PPP1R1C: variants seen among roughly 807,000 people sequenced by gnomAD.
The protein encoded by PPP1R1C is protein phosphatase 1 regulatory subunit 1C.
In PPP1R1C, 15 loss-of-function variants were observed where a neutral mutation model predicts 17.4. The observed-to-expected ratio is 0.86, with a 90% CI of 0.58 to 1.33. The LOEUF is 1.33. Ranked by LOEUF, PPP1R1C falls within the 40% of genes most tolerant of loss-of-function variation. PPP1R1C has a pLI of 0.00. For missense variants in PPP1R1C, 143 were observed against 130.0 expected (o/e 1.10, Z -0.48); for synonymous variants, 35 against 43.1 (o/e 0.81, Z 0.73).
chr2:182,090,132 T>C (rs1338825620), intron 4 of PPP1R1C, among the ~76,000 whole-genome samples: 1 of 152,166 alleles, frequency 6.6e-6, no homozygotes, highest in Non-Finnish European at 1.5e-5. Flanking sequence ...TTCATTCCTA[T>C]CTATGTAGAA....
Position 181,987,885 on chromosome 2 carries a change from A to T in PPP1R1C, c.128A>T (p.Glu43Val), listed in dbSNP as rs1342005153. The stretch of plus-strand genomic sequence containing the variant: ...CCAGCATCACTTGTGATTCTCAATG[A>T]GCATAACCCCCCAGGTAAAGAAGCA... ...PTPASLVILN[E>V]HNPPEIDDKR... The change falls in exon 2 of 5, where the codon GAG (glutamate) becomes GTG (valine). Residue 43 changes from glutamate (E) to valine (V), a missense_variant. Coordinates refer to ENST00000682840, the MANE Select transcript of PPP1R1C (RefSeq NM_001080545.3). 1.2e-6 allele frequency: 2 copies of T among 1,613,136 alleles called. No homozygotes were observed. The highest frequency in any genetic ancestry group is 3.3e-5 in the Admixed American group (2 of 59,936).
At chr2:181,999,875 A>G (rs1174687117) in intron 2 of PPP1R1C, among the ~76,000 whole-genome samples, 2 of 152,040 alleles carry the variant, frequency 1.3e-5, no homozygotes, top group Non-Finnish European at 2.9e-5. Flanking sequence ...CTGTTTGCTT[A>G]CCTATATATA....
intron 1 of PPP1R1C, among the ~76,000 whole-genome samples, chr2:181,964,439 T>C (rs900311396): frequency 6.6e-6 from 1 of 152,208 alleles, no homozygotes; most frequent in African/African-American, 2.4e-5. Context: ...AGGGAGCATA[T>C]ATCTGTTCAA....
chr2:182,046,883 T>C (rs1454025213), intron 2 of PPP1R1C, among the ~76,000 whole-genome samples: 2 of 152,232 alleles, frequency 1.3e-5, no homozygotes, highest in Non-Finnish European at 2.9e-5. Context: ...TGAAAATCTG[T>C]TACATGTGCT....
intron 4 of PPP1R1C, among the ~76,000 whole-genome samples, chr2:182,102,855 C>A (rs1232351113): frequency 6.6e-6 from 1 of 152,108 alleles, no homozygotes; most frequent in Non-Finnish European, 1.5e-5. Context: ...CTATGTTGCC[C>A]AGGCTGGAGT....
chr2:182,093,020 A>G (rs1251988959), intron 4 of PPP1R1C, among the ~76,000 whole-genome samples: 3 of 151,962 alleles, frequency 2.0e-5, no homozygotes, highest in Non-Finnish European at 4.4e-5. Context: ...GGGGGCTTTG[A>G]CCCCACATTT....
At chr2:182,015,595 C>G (rs186833848) in intron 2 of PPP1R1C, among the ~76,000 whole-genome samples, 260 of 152,198 alleles carry the variant, frequency 1.7e-3, no homozygotes, top group South Asian at 4.4e-3. Context: ...GATGTTTATT[C>G]AATGCCCAAG....
At chr2:181,999,196 AAAGAGAAAAAATGCCTCTAAGC>A (rs1685694131) in intron 2 of PPP1R1C, among the ~76,000 whole-genome samples, 1 of 152,196 alleles carries the variant, frequency 6.6e-6, no homozygotes, top group South Asian at 2.1e-4. Flanking sequence ...TTAGGACACA[AAAGAGAAAAAATGCCTCTAAGC>A]AACAAGTAAA....
At chr2:181,983,962 T>A (rs1386370687), upstream of PPP1R1C, among the ~76,000 whole-genome samples, 1 of 152,212 alleles carries the variant, frequency 6.6e-6, no homozygotes, top group Non-Finnish European at 1.5e-5. Flanking sequence ...CTGATCAACC[T>A]ATTCAAAATA....
At chr2:182,074,198 C>T (rs1056359134) in intron 4 of PPP1R1C, among the ~76,000 whole-genome samples, 19 of 152,042 alleles carry the variant, frequency 1.2e-4, no homozygotes, top group South Asian at 2.1e-4. Context: ...CCCGCCATCA[C>T]GCCCGGCTAA....
chr2:182,083,045 C>G (rs144214643), intron 4 of PPP1R1C, among the ~76,000 whole-genome samples: 1,665 of 152,180 alleles, frequency 0.011, 14 homozygotes, highest in South Asian at 0.04. Context: ...TTAAAGGGGC[C>G]TTAGGTGAGT....
intron 2 of PPP1R1C, among the ~76,000 whole-genome samples, chr2:182,041,057 T>G (rs756464514): frequency 6.6e-6 from 1 of 152,186 alleles, no homozygotes; most frequent in Non-Finnish European, 1.5e-5. Flanking sequence ...GCTATAGCCT[T>G]GTAGAATAAT....
At chr2:182,025,992 C>G (rs1364685407) in intron 2 of PPP1R1C, among the ~76,000 whole-genome samples, 4 of 138,700 alleles carry the variant, frequency 2.9e-5, no homozygotes. Flanking sequence ...TGTTTTTTGG[C>G]TGCATAAATG....
Position 181,986,056 on chromosome 2 carries a change from C to A in PPP1R1C, c.-55C>A. 1 of 1,399,808 alleles carries A rather than the reference C, an allele frequency of 7.1e-7. No individual in the cohort carries two copies. The highest frequency in any genetic ancestry group is 1.0e-6 in the Non-Finnish European group (1 of 984,864). 86.7% of individuals were successfully genotyped at this position (1,399,808 alleles called of 1,614,324 possible). A position where few individuals can be genotyped will look rare whatever the true frequency, so the allele number is the denominator to read the frequency against. On this transcript the variant is annotated 5_prime_UTR_variant, in exon 1 of 5. Coordinates refer to ENST00000682840, the MANE Select transcript of PPP1R1C (RefSeq NM_001080545.3). The stretch of plus-strand genomic sequence containing the variant: ...CTGAGGAAACACATCCCGGACACCA[C>A]TTAGGGTTAGTCTTTCTGAGCTCTT...
intron 2 of PPP1R1C, among the ~76,000 whole-genome samples, chr2:182,030,289 C>T (rs543461905): frequency 4.6e-5 from 7 of 152,322 alleles, no homozygotes; most frequent in African/African-American, 1.7e-4. Flanking sequence ...GAGAGGCACT[C>T]TGTGTTTTAG....
intron 4 of PPP1R1C, among the ~76,000 whole-genome samples, chr2:182,076,192 CTTTTCTTTTTTTTTT>C (rs1688297567): frequency 7.7e-5 from 2 of 25,838 alleles, no homozygotes; most frequent in Non-Finnish European, 1.5e-4. Flanking sequence ...TTTTTTTTTT[CTTTTCTTTTTTTTTT>C]TTTTTTTTTT....
chr2:181,979,542 A>C (rs962569379), intron 2 of PPP1R1C, among the ~76,000 whole-genome samples: 8 of 152,242 alleles, frequency 5.3e-5, no homozygotes, highest in Non-Finnish European at 1.0e-4. Context: ...GAATCTCTTT[A>C]GTTCCTGTCA....
At chr2:182,098,122 A>T (rs1217653894) in intron 4 of PPP1R1C, among the ~76,000 whole-genome samples, 2 of 152,048 alleles carry the variant, frequency 1.3e-5, no homozygotes, top group Non-Finnish European at 2.9e-5. Flanking sequence ...TTGATAACAG[A>T]CACCCCCAAC....
At chr2:182,076,856 G>T (rs1158495077) in intron 4 of PPP1R1C, among the ~76,000 whole-genome samples, 1 of 152,180 alleles carries the variant, frequency 6.6e-6, no homozygotes, top group Admixed American at 6.5e-5. Context: ...ATATGGAAGA[G>T]TGTTGTTTGC....
Sources: allele counts gnomAD v4.1 joint callset (sites outside exome capture counted in the v4.1 genomes callset), GRCh38; gene constraint gnomAD v4.1.1; transcripts MANE v1.5; gene names NCBI Gene and HGNC (gene_info 2026-07-23, HGNC 2026-07-21).